VPS50: variants seen among roughly 807,000 people sequenced by gnomAD.
VPS50 encodes VPS50 subunit of EARP/GARPII complex, also known as syndetin.
In VPS50, 70 loss-of-function variants were observed where a neutral mutation model predicts 139.7. The ratio of observed to expected loss-of-function variants is 0.50; its 90% CI spans 0.41 to 0.61. The LOEUF (loss-of-function observed/expected upper bound fraction) is 0.61. Ranked by LOEUF, VPS50 falls within the 20% of genes least tolerant of loss-of-function variation. The pLI is 0.00. For missense variants in VPS50, 921 were observed against 1,133.7 expected (o/e 0.81, Z 2.69); for synonymous variants, 365 against 376.7 (o/e 0.97, Z 0.36).
Position 93,261,677 on chromosome 7 carries a change from CAAAAAAAAAAAA to C in VPS50, c.659+2056_659+2067del, listed in dbSNP as rs71107890. Among the ~76,000 whole-genome samples the C allele has an allele frequency of 1.0e-3, 62 of 62,198 alleles. 1 individual carries two copies. Among genetic ancestry groups the C allele is most frequent in the South Asian group, 9.6e-3 (14 of 1,458 alleles). 40.8% of individuals were successfully genotyped at this position (62,198 alleles called of 152,430 possible). ...TGGGCCACAGAGCGAGACTCCGTCT[CAAAAAAAAAAAA>C]AAAAAAAAAAGAAATTAGGCTGTAG... On this transcript the variant is annotated intron_variant, in intron 9 of 27. Coordinates refer to ENST00000305866, the MANE Select transcript of VPS50 (RefSeq NM_017667.4).
chr7:93,246,130 G>A, intron 2 of VPS50: 1 of 1,511,092 alleles, frequency 6.6e-7, no homozygotes. Flanking sequence ...GTTAACTTTG[G>A]TAAGATTATA....
At chr7:93,313,238 GAA>G (rs1430529647) in intron 20 of VPS50, among the ~76,000 whole-genome samples, 1 of 152,160 alleles carries the variant, frequency 6.6e-6, no homozygotes, top group African/African-American at 2.4e-5. Flanking sequence ...AGGGAGGGGA[GAA>G]GTATGCTTCT....
chr7:93,297,267 A>G, intron 16 of VPS50, 24 bp downstream of exon 16: 2 of 1,510,892 alleles, frequency 1.3e-6, no homozygotes, highest in South Asian at 2.8e-5. Flanking sequence ...TAAGATATGA[A>G]TCGACTTATT....
chr7:93,305,434 T>A (rs1797087655), intron 17 of VPS50, among the ~76,000 whole-genome samples: 1 of 151,882 alleles, frequency 6.6e-6, no homozygotes, highest in African/African-American at 2.4e-5. Flanking sequence ...GGTGCAAGCA[T>A]ATGAAAAAGA....
chr7:93,256,641 G>A, intron 5 of VPS50, 79 bp downstream of exon 5: 2 of 761,326 alleles, frequency 2.6e-6, no homozygotes, highest in Non-Finnish European at 4.2e-6. Context: ...TTAAAATATT[G>A]TATTTTTTGT....
Position 93,257,906 on chromosome 7 carries a change from G to A in VPS50, c.423-253G>A, listed in dbSNP as rs370396128. On this transcript the variant is annotated intron_variant, in intron 6 of 27. Transcript: ENST00000305866. ...GTCAGTTTTTGCACTGTGTTTTTAAGCGCTTATTCTCAGTTTCTGTAATTT... is the reference window on the plus strand; with the variant it reads ...GTCAGTTTTTGCACTGTGTTTTTAAACGCTTATTCTCAGTTTCTGTAATTT... 108 of 318,812 alleles carry A rather than the reference G, an allele frequency of 3.4e-4. 1 individual carries two copies. The South Asian group carries it at 8.3e-3, about 24-fold the overall frequency. The allele number at this position is 318,812 out of a possible 1,614,324, so 19.7% of individuals were successfully genotyped here.
At chr7:93,307,984 T>C (rs888531222) in intron 18 of VPS50, among the ~76,000 whole-genome samples, 1 of 151,974 alleles carries the variant, frequency 6.6e-6, no homozygotes, top group African/African-American at 2.4e-5. Flanking sequence ...AACTTCCTCA[T>C]AGAAGTGTCT....
At chr7:93,235,087 T>G (rs1584368486) in intron 1 of VPS50, among the ~76,000 whole-genome samples, 1 of 151,960 alleles carries the variant, frequency 6.6e-6, no homozygotes, top group South Asian at 2.1e-4. Flanking sequence ...ACAGAGAAGG[T>G]AATATAAAAA....
Position 93,305,759 on chromosome 7 carries a change from A to G in VPS50, c.1453-69A>G, listed in dbSNP as rs897817781. On this transcript the variant is annotated intron_variant, in intron 17 of 27. Coordinates refer to ENST00000305866, the MANE Select transcript of VPS50 (RefSeq NM_017667.4). ...TTCTACTAACTCTACATGTATATTG[A>G]GGGATTCGGTTTATGTACTAGAATT... 37 of 1,079,252 alleles carry G rather than the reference A, an allele frequency of 3.4e-5. No homozygotes were observed. In the East Asian group the frequency reaches 8.8e-4, roughly 26 times the overall value. 66.9% of individuals were successfully genotyped at this position (1,079,252 alleles called of 1,614,324 possible).
chr7:93,284,311 G>T (rs980090155), intron 12 of VPS50, among the ~76,000 whole-genome samples: 1 of 152,074 alleles, frequency 6.6e-6, no homozygotes, highest in Non-Finnish European at 1.5e-5. Context: ...CTCAGGCAGC[G>T]TGAGGGTTAA....
At chr7:93,280,756 T>C (rs933809413) in intron 12 of VPS50, among the ~76,000 whole-genome samples, 1 of 152,106 alleles carries the variant, frequency 6.6e-6, no homozygotes, top group African/African-American at 2.4e-5. Flanking sequence ...GACAATGGAG[T>C]TGGCTAGGCT....
intron 17 of VPS50, 149 bp from the exon 18 acceptor site, chr7:93,305,679 T>C (rs1797093740): frequency 1.5e-6 from 1 of 646,702 alleles, no homozygotes; most frequent in Non-Finnish European, 2.7e-6. Context: ...AGTTTGTGCT[T>C]TTAGATAACT....
chr7:93,291,073 T>C (rs1337187851), intron 12 of VPS50, among the ~76,000 whole-genome samples: 3 of 151,978 alleles, frequency 2.0e-5, no homozygotes, highest in African/African-American at 4.8e-5. Flanking sequence ...TAGAATAAAA[T>C]AAAAGGGCAG....
At chr7:93,322,468 C>T (rs1797643464) in intron 20 of VPS50, among the ~76,000 whole-genome samples, 1 of 151,322 alleles carries the variant, frequency 6.6e-6, no homozygotes, top group Non-Finnish European at 1.5e-5. Flanking sequence ...GGCGTGGTAG[C>T]GGGCGCCTGT....
At chr7:93,351,494 C>A (rs545484568) in intron 25 of VPS50, among the ~76,000 whole-genome samples, 1 of 151,980 alleles carries the variant, frequency 6.6e-6, no homozygotes, top group East Asian at 1.9e-4. Flanking sequence ...TATTTCTCAC[C>A]GTTCTGGAGG....
At chr7:93,301,782 T>A (rs1382505107) in intron 16 of VPS50, among the ~76,000 whole-genome samples, 1 of 152,166 alleles carries the variant, frequency 6.6e-6, no homozygotes, top group African/African-American at 2.4e-5. Flanking sequence ...TAATATAGAG[T>A]AGAATTACTG....
chr7:93,244,311 T>C (rs974258795), intron 2 of VPS50, among the ~76,000 whole-genome samples: 2 of 151,920 alleles, frequency 1.3e-5, no homozygotes, highest in Non-Finnish European at 2.9e-5. Flanking sequence ...ATAAACCGAT[T>C]TGACTTGACT....
chr7:93,233,351 A>G (rs1338942358), intron 1 of VPS50, among the ~76,000 whole-genome samples: 1 of 152,232 alleles, frequency 6.6e-6, no homozygotes, highest in African/African-American at 2.4e-5. Flanking sequence ...GATAGTTAAG[A>G]TTAGAGTTTT....
chr7:93,301,375 C>T (rs901208709), intron 16 of VPS50, among the ~76,000 whole-genome samples: 5 of 151,746 alleles, frequency 3.3e-5, no homozygotes, highest in African/African-American at 1.2e-4. Flanking sequence ...CTACTGTAGT[C>T]TATTTTAGGT....
Sources: allele counts gnomAD v4.1 joint callset (sites outside exome capture counted in the v4.1 genomes callset), GRCh38; gene constraint gnomAD v4.1.1; transcripts MANE v1.5; gene names NCBI Gene and HGNC (gene_info 2026-07-23, HGNC 2026-07-21).